The following KIF20B variants were observed in gnomAD, a reference collection of about 807,000 sequenced individuals.
KIF20B encodes the protein kinesin family member 20B.
Under a neutral mutation model 232.5 loss-of-function variants are expected in KIF20B, and 188 were observed. The ratio of observed to expected loss-of-function variants is 0.81; its 90% confidence interval spans 0.72 to 0.91. The LOEUF (loss-of-function observed/expected upper bound fraction) is 0.91, where lower values mean the gene tolerates loss of function less well. Among genes scored for constraint, KIF20B ranks in the 40% least tolerant of loss-of-function variants. The probability of loss-of-function intolerance (pLI) is 0.00; values close to 1 mark genes in which losing one functional copy is unlikely to be tolerated. For missense variants in KIF20B, 2,154 were observed against 2,055.9 expected (o/e 1.05, Z -0.92); for synonymous variants, 712 against 683.0 (o/e 1.04, Z -0.66).
intron 18 of KIF20B, among the ~76,000 whole-genome samples, chr10:89,732,615 G>A (rs1843349974): frequency 6.6e-6 from 1 of 152,078 alleles, no homozygotes. Context: ...AAGAGGCTTT[G>A]GCTACAAAAC....
intron 28 of KIF20B, among the ~76,000 whole-genome samples, chr10:89,761,503 T>G (rs1017348261): frequency 4.0e-5 from 6 of 149,836 alleles, no homozygotes; most frequent in African/African-American, 1.5e-4. Flanking sequence ...GAAATGGGGT[T>G]TCACTATGTT....
At position 89,762,760 on chromosome 10, in the gene KIF20B, A is replaced by T; in HGVS notation, c.4914A>T (p.Lys1638Asn). The change falls in exon 29 of 33, where the codon AAA becomes AAT. Residue 1638 changes from lysine (K) to asparagine (N), a missense_variant. Physicochemically the swap from Lys to Asn is moderately conservative, Grantham distance 94. Coordinates refer to ENST00000371728, the MANE Select transcript of KIF20B (RefSeq NM_001284259.2). ...TPLQPNKMAV[K>N]HPGCTTPVTV... The stretch of plus-strand genomic sequence containing the variant: ...TACAGCCAAACAAAATGGCAGTGAA[A>T]CACCCTGGTTGTACCACACCAGTGA... The T allele has an allele frequency of 6.2e-7, 1 of 1,613,602 alleles. No homozygotes were observed. The highest frequency in any genetic ancestry group is 2.2e-5 in the East Asian group (1 of 44,826).
At chr10:89,748,566 G>A (rs1319655412) in intron 23 of KIF20B, among the ~76,000 whole-genome samples, 2 of 152,120 alleles carry the variant, frequency 1.3e-5, no homozygotes, top group African/African-American at 2.4e-5. Flanking sequence ...ACTTGGATGG[G>A]TAACTTGGAT....
chr10:89,715,905 C>T (rs1333665019), intron 8 of KIF20B, among the ~76,000 whole-genome samples: 2 of 151,006 alleles, frequency 1.3e-5, no homozygotes, highest in South Asian at 2.1e-4. Flanking sequence ...GCAGGAGGAT[C>T]ACTTGAGCCT....
chr10:89,724,208 C>A, intron 14 of KIF20B, 105 bp downstream of exon 14: 1 of 1,124,136 alleles, frequency 8.9e-7, no homozygotes, highest in Non-Finnish European at 1.2e-6. Context: ...CTTCTGAATT[C>A]TGATCTCTTT....
At position 89,747,630 on chromosome 10, in the gene KIF20B, G is replaced by A. The variant is rs184613247; in HGVS notation, c.4096+1671G>A. On this transcript the variant is annotated intron_variant, in intron 23 of 32. Transcript: ENST00000371728. ...AAATCATCATTCTCAGTAAACTATC[G>A]CAAGAACAAAAAACCAAACACCACA... Among the ~76,000 whole-genome samples, 1,169 of 151,564 alleles carry A rather than the reference G, an allele frequency of 7.7e-3. 11 individuals carry two copies. The highest frequency in any genetic ancestry group is 0.026 in the African/African-American group (1,093 of 41,254).
At chr10:89,757,923 T>A (rs1005271242) in intron 26 of KIF20B, among the ~76,000 whole-genome samples, 2 of 152,002 alleles carry the variant, frequency 1.3e-5, no homozygotes, top group Admixed American at 6.6e-5. Context: ...GCCACTTTTT[T>A]AAGTCAGTTG....
chr10:89,743,823 G>A lies in KIF20B; in HGVS notation c.3931G>A (p.Asp1311Asn). Reference protein sequence around the residue: ...QVQKEVSVMRDEDKLLRIKIN... With the variant: ...QVQKEVSVMRNEDKLLRIKIN... ...TATTTTGTAGGTATCTGTAATGCGT[G>A]ATGAGGATAAATTACTGAGGATTAA... Residue 1311 changes from aspartate (D) to asparagine (N), a missense_variant, in exon 22 of 33, where the codon GAT becomes AAT. Physicochemically the swap from Asp to Asn is conservative, Grantham distance 23. Coordinates refer to ENST00000371728, the MANE Select transcript of KIF20B (RefSeq NM_001284259.2). 6.7e-7 allele frequency: 1 copy of A among 1,497,154 alleles called. No homozygotes were observed. 92.7% of individuals were successfully genotyped at this position (1,497,154 alleles called of 1,614,324 possible).
Position 89,742,245 on chromosome 10 carries a change from A to T in KIF20B, c.3916-1563A>T, listed in dbSNP as rs73384926. 6.2e-3 allele frequency among the ~76,000 whole-genome samples: 944 copies of T among 152,302 alleles called. 8 individuals are homozygous for T. The highest frequency in any genetic ancestry group is 0.021 in the African/African-American group (892 of 41,560). ...AAAGCATTAAATTTGTGGGTGGAGG[A>T]TGCAAACAGAAGTGTGTTTCGATTG... On this transcript the variant is annotated intron_variant, in intron 21 of 32. Transcript: ENST00000371728.
chr10:89,710,682 T>A (rs1436654008), intron 5 of KIF20B, among the ~76,000 whole-genome samples: 2 of 152,228 alleles, frequency 1.3e-5, no homozygotes, highest in Non-Finnish European at 2.9e-5. Context: ...TATATTTCAT[T>A]TTACTTTTAT....
intron 1 of KIF20B, among the ~76,000 whole-genome samples, chr10:89,705,079 G>T (rs1453697262): frequency 4.6e-5 from 7 of 152,188 alleles, no homozygotes; most frequent in Admixed American, 4.6e-4. Flanking sequence ...AAAATAGTAG[G>T]CTGTGTTCAG....
intron 5 of KIF20B, among the ~76,000 whole-genome samples, chr10:89,710,419 G>A (rs1444542590): frequency 6.6e-6 from 1 of 152,004 alleles, no homozygotes. Flanking sequence ...TGTAGAAATG[G>A]GGGTTCACCA....
intron 1 of KIF20B, among the ~76,000 whole-genome samples, chr10:89,703,171 C>G (rs1842647386): frequency 6.6e-6 from 1 of 152,100 alleles, no homozygotes; most frequent in African/African-American, 2.4e-5. Context: ...TCCATGAACT[C>G]TGTGTTATGA....
chr10:89,766,565 GA>G (rs1200654611), intron 29 of KIF20B: 1 of 152,098 alleles, frequency 6.6e-6, no homozygotes, highest in Non-Finnish European at 1.5e-5. Flanking sequence ...AGTCAACTGG[GA>G]GAAAGGGTAT....
Position 89,736,989 on chromosome 10 carries a change from G to A in KIF20B, c.2546-398G>A, listed in dbSNP as rs11185862. Among the ~76,000 whole-genome samples, 1,259 of 152,076 alleles carry A rather than the reference G, an allele frequency of 8.3e-3. 22 individuals are homozygous for A. The highest frequency in any genetic ancestry group is 0.029 in the African/African-American group (1,205 of 41,512). On this transcript the variant is annotated intron_variant, in intron 19 of 32. Transcript: ENST00000371728. ...ATATAATTGTAGCTTAAAACTGTTC[G>A]TTAGGATATGGAATGTCTGCCTAGG...
Position 89,752,624 on chromosome 10 carries a change from C to G in KIF20B, c.4280C>G (p.Ser1427Ter). The change falls in exon 25 of 33, where the codon TCA becomes TGA. Residue 1427 changes from serine (S) to a stop codon, truncating the protein, a stop_gained. Coordinates refer to ENST00000371728, the MANE Select transcript of KIF20B (RefSeq NM_001284259.2). LOFTEE classifies it high-confidence loss of function. ...TTGGAAACCAAAAACAATCAAAGGT[C>G]AAATAAAGAACATGAGAACAACACA... is the stretch of plus-strand genomic sequence containing the variant. The part of the protein sequence containing the change: ...NDLETKNNQR[S>*]NKEHENNTDV... The G allele has an allele frequency of 6.2e-7, 1 of 1,605,522 alleles. No individual in the cohort carries two copies. Among genetic ancestry groups the G allele is most frequent in the East Asian group, 2.3e-5 (1 of 44,170 alleles).
chr10:89,761,821 T>A (rs191278496), intron 28 of KIF20B, among the ~76,000 whole-genome samples: 1 of 152,344 alleles, frequency 6.6e-6, no homozygotes, highest in Non-Finnish European at 1.5e-5. Flanking sequence ...CATTTCTTTC[T>A]CCATAAATTT....
intron 25 of KIF20B, among the ~76,000 whole-genome samples, chr10:89,754,264 T>G (rs1842076942): frequency 6.6e-6 from 1 of 152,026 alleles, no homozygotes. Context: ...TATTTTTTCT[T>G]AAGGTCACTG....
intron 18 of KIF20B, 110 bp from the exon 19 acceptor site, chr10:89,732,793 C>A: frequency 1.0e-6 from 1 of 987,254 alleles, no homozygotes; most frequent in Non-Finnish European, 1.4e-6. Context: ...AATGTCTCAA[C>A]AAATTTGAAA....
Sources: gnomAD v4.1 joint callset for allele counts (sites outside exome capture counted in the v4.1 genomes callset) on GRCh38, gnomAD v4.1.1 for gene constraint, MANE v1.5 for transcripts, NCBI Gene and HGNC (gene_info 2026-07-23, HGNC 2026-07-21) for gene names.